The following B3GALT1 variants were observed in gnomAD, a reference collection of about 807,000 sequenced individuals.
B3GALT1 encodes beta-1,3-galactosyltransferase 1.
Under a neutral mutation model 23.2 loss-of-function variants are expected in B3GALT1, and 10 were observed. That is an observed-to-expected ratio of 0.43 (90% CI 0.27 to 0.73). The LOEUF (loss-of-function observed/expected upper bound fraction) is 0.73, where lower values mean the gene tolerates loss of function less well. Ranked by LOEUF, B3GALT1 falls within the 30% of genes least tolerant of loss-of-function variation. B3GALT1 has a pLI of 0.21. For synonymous variants in B3GALT1, 156 were observed against 141.5 expected (o/e 1.10, Z -0.73); for missense variants, 299 against 405.4 (o/e 0.74, Z 2.25).
chr2:167,865,204 T>C (rs1026724409), intron 4 of B3GALT1, among the ~76,000 whole-genome samples: 2 of 149,124 alleles, frequency 1.3e-5, no homozygotes, highest in African/African-American at 4.9e-5. Context: ...AGGTCAGGAG[T>C]TGGAGACCAG....
intron 1 of B3GALT1, among the ~76,000 whole-genome samples, chr2:167,450,049 T>A (rs1301985240): frequency 2.0e-5 from 3 of 152,112 alleles, no homozygotes; most frequent in Admixed American, 1.3e-4. Flanking sequence ...TGGTGTGTAG[T>A]TTTCTTTTTT....
At chr2:167,760,640 T>C (rs1687885688) in intron 3 of B3GALT1, among the ~76,000 whole-genome samples, 5 of 151,974 alleles carry the variant, frequency 3.3e-5, no homozygotes, top group Admixed American at 3.3e-4. Context: ...GTCATCTTCC[T>C]TCTAAACATA....
intron 3 of B3GALT1, among the ~76,000 whole-genome samples, chr2:167,792,860 AT>A (rs371433634): frequency 0.062 from 8,946 of 144,130 alleles, 620 homozygotes; most frequent in African/African-American, 0.17. Context: ...GGGGAACAGA[AT>A]TTTTTTTTTT....
At chr2:167,589,186 T>C (rs1291051664) in intron 2 of B3GALT1, among the ~76,000 whole-genome samples, 1 of 152,114 alleles carries the variant, frequency 6.6e-6, no homozygotes, top group African/African-American at 2.4e-5. Context: ...GCTCAAACAA[T>C]CCTCCCATTG....
intron 3 of B3GALT1, among the ~76,000 whole-genome samples, chr2:167,773,128 T>C (rs1688099765): frequency 6.6e-6 from 1 of 152,204 alleles, no homozygotes; most frequent in African/African-American, 2.4e-5. Flanking sequence ...GTTTTTAGGA[T>C]GGATGAATTG....
chr2:167,614,620 G>A (rs942408617), intron 2 of B3GALT1, among the ~76,000 whole-genome samples: 13 of 151,960 alleles, frequency 8.6e-5, no homozygotes, highest in Admixed American at 5.3e-4. Context: ...TCATTAAAAT[G>A]TATTCTAGAG....
intron 3 of B3GALT1, among the ~76,000 whole-genome samples, chr2:167,716,315 G>A (rs1004759052): frequency 3.3e-5 from 5 of 152,122 alleles, no homozygotes; most frequent in African/African-American, 7.2e-5. Flanking sequence ...GCTGGTCCGA[G>A]CCCGACCCGC....
intron 4 of B3GALT1, among the ~76,000 whole-genome samples, chr2:167,861,681 C>T (rs916040850): frequency 3.3e-5 from 5 of 152,172 alleles, no homozygotes; most frequent in African/African-American, 9.7e-5. Context: ...CCCCATCCCA[C>T]CTTTGTTTAG....
At chr2:167,564,425 G>T (rs1006705872) in intron 2 of B3GALT1, among the ~76,000 whole-genome samples, 2 of 152,070 alleles carry the variant, frequency 1.3e-5, no homozygotes, top group South Asian at 2.1e-4. Context: ...ACGATGGGCG[G>T]CCAGGCGGAG....
intron 1 of B3GALT1, among the ~76,000 whole-genome samples, chr2:167,467,096 A>G (rs970948051): frequency 6.6e-6 from 1 of 151,772 alleles, no homozygotes; most frequent in African/African-American, 2.4e-5. Flanking sequence ...ATGGATGCAA[A>G]TTTGTCTACA....
intron 3 of B3GALT1, among the ~76,000 whole-genome samples, chr2:167,778,771 G>A (rs1688202798): frequency 6.6e-6 from 1 of 152,130 alleles, no homozygotes; most frequent in Non-Finnish European, 1.5e-5. Flanking sequence ...AATGTTTGTG[G>A]GTGGCAAATC....
intron 1 of B3GALT1, among the ~76,000 whole-genome samples, chr2:167,326,926 G>A (rs1696905528): frequency 6.6e-6 from 1 of 152,046 alleles, no homozygotes; most frequent in Non-Finnish European, 1.5e-5. Context: ...CTGACCTCAG[G>A]TGATCCTCCT....
chr2:167,435,818 G>T, intron 1 of B3GALT1, among the ~76,000 whole-genome samples: 1 of 152,040 alleles, frequency 6.6e-6, no homozygotes, highest in Non-Finnish European at 1.5e-5. Flanking sequence ...TGACATCCTT[G>T]TAAGTGATTC....
intron 3 of B3GALT1, among the ~76,000 whole-genome samples, chr2:167,812,887 CTTAA>C (rs1688916606): frequency 6.6e-6 from 1 of 151,868 alleles, no homozygotes; most frequent in African/African-American, 2.4e-5. Context: ...AAGCTTTGCT[CTTAA>C]TTATCAATAC....
intron 2 of B3GALT1, among the ~76,000 whole-genome samples, chr2:167,531,172 G>A (rs983173669): frequency 2.0e-5 from 3 of 152,148 alleles, no homozygotes; most frequent in African/African-American, 7.2e-5. Context: ...GGTCTTGAAT[G>A]TCAAAGTAAT....
At chr2:167,565,666 A>T (rs1365066421) in intron 2 of B3GALT1, among the ~76,000 whole-genome samples, 2 of 152,214 alleles carry the variant, frequency 1.3e-5, no homozygotes, top group African/African-American at 4.8e-5. Context: ...TACAAGAAAA[A>T]AACAACCCCA....
chr2:167,470,573 G>T (rs1217065972), intron 1 of B3GALT1, among the ~76,000 whole-genome samples: 2 of 152,108 alleles, frequency 1.3e-5, no homozygotes, highest in African/African-American at 4.8e-5. Flanking sequence ...TTGATGTCTA[G>T]ATTATATTTA....
chr2:167,733,429 T>C (rs1288406321), intron 3 of B3GALT1, among the ~76,000 whole-genome samples: 1 of 152,192 alleles, frequency 6.6e-6, no homozygotes, highest in Non-Finnish European at 1.5e-5. Flanking sequence ...ATTTTTTTTT[T>C]TTAGCTCATC....
intron 1 of B3GALT1, among the ~76,000 whole-genome samples, chr2:167,404,489 T>C (rs138002962): frequency 3.9e-4 from 59 of 152,352 alleles, no homozygotes; most frequent in African/African-American, 1.3e-3. Flanking sequence ...TGTAGTGTTT[T>C]GGGCTTTGTT....
Sources: gnomAD v4.1 joint callset for allele counts (sites outside exome capture counted in the v4.1 genomes callset) on GRCh38, gnomAD v4.1.1 for gene constraint, MANE v1.5 for transcripts, NCBI Gene and HGNC (gene_info 2026-07-23, HGNC 2026-07-21) for gene names.